IGF1: variants seen among roughly 807,000 people sequenced by gnomAD.
IGF1 encodes insulin like growth factor 1.
Under a neutral mutation model 13.8 loss-of-function variants are expected in IGF1, and 4 were observed. The ratio of observed to expected loss-of-function variants is 0.29; its 90% CI spans 0.14 to 0.66. IGF1 has a LOEUF of 0.66. IGF1 is among the 30% of genes least tolerant of loss of function. The pLI, the probability that IGF1 is intolerant of heterozygous loss-of-function variation, is 0.78. For synonymous variants in IGF1, 76 were observed against 72.6 expected, an observed-to-expected ratio of 1.05 and a Z score of -0.23; for missense variants, 124 against 188.5, an observed-to-expected ratio of 0.66 and a Z score of 2.00.
rs1218377843 is a variant in IGF1 at position 102,399,117 on chromosome 12, G to GTA, written c.*3389_*3390insTA. On this transcript the variant is annotated 3_prime_UTR_variant, in exon 4 of 4. Transcript: ENST00000337514. ...GGATCCTTAGGGTGAATGTGTGTGT[G>GTA]TGTGTGTGTGTGTGTGTGTGTGTGT... The GTA allele has an allele frequency of 2.3e-3, 348 of 151,846 alleles. 4 individuals are homozygous for GTA. The highest frequency in any genetic ancestry group is 8.1e-3 in the African/African-American group (333 of 41,174). 9.4% of individuals were successfully genotyped at this position (151,846 alleles called of 1,614,324 possible).
At chr12:102,469,601 C>T (rs1386119904) in intron 2 of IGF1, among the ~76,000 whole-genome samples, 1 of 152,196 alleles carries the variant, frequency 6.6e-6, no homozygotes, top group African/African-American at 2.4e-5. Context: ...ATAGATATCT[C>T]TCTCATGCCT....
intron 2 of IGF1, among the ~76,000 whole-genome samples, chr12:102,465,763 C>T (rs1880255893): frequency 6.6e-6 from 1 of 151,974 alleles, no homozygotes; most frequent in Non-Finnish European, 1.5e-5. Flanking sequence ...ATGGTGAAAC[C>T]CCGTCTCTAC....
chr12:102,442,270 A>G (rs1048052695), intron 2 of IGF1, among the ~76,000 whole-genome samples: 2 of 152,074 alleles, frequency 1.3e-5, no homozygotes, highest in Non-Finnish European at 2.9e-5. Context: ...TAACTTGAGT[A>G]GAATCTTCCT....
At chr12:102,478,793 A>G (rs1020433611) in intron 1 of IGF1, 1 of 464,466 alleles carries the variant, frequency 2.2e-6, no homozygotes, top group Non-Finnish European at 3.5e-6. Flanking sequence ...ATAGTGACCC[A>G]AGCTCCAGTC....
At chr12:102,412,497 A>G (rs11111266) in intron 3 of IGF1, among the ~76,000 whole-genome samples, 2,647 of 152,310 alleles carry the variant, frequency 0.017, 71 homozygotes, top group African/African-American at 0.061. Context: ...ATTGCTGCCA[A>G]GGACATTTAG....
chr12:102,453,789 T>C (rs1458202299), intron 2 of IGF1, among the ~76,000 whole-genome samples: 4 of 152,150 alleles, frequency 2.6e-5, no homozygotes. Flanking sequence ...CGTGCTTGAG[T>C]AGGCTGCCTG....
At chr12:102,461,978 A>G (rs901869159) in intron 2 of IGF1, among the ~76,000 whole-genome samples, 1 of 152,190 alleles carries the variant, frequency 6.6e-6, no homozygotes, top group African/African-American at 2.4e-5. Context: ...GGGGCTTCTC[A>G]AACCTTAACA....
intron 2 of IGF1, among the ~76,000 whole-genome samples, chr12:102,437,543 C>A (rs142384334): frequency 6.6e-6 from 1 of 152,282 alleles, no homozygotes; most frequent in Non-Finnish European, 1.5e-5. Flanking sequence ...ACTATATGAT[C>A]TCACTTGTAT....
At chr12:102,419,712 G>A (rs769214092) in intron 2 of IGF1, 22 bp from the exon 3 acceptor site, 3 of 1,608,952 alleles carry the variant, frequency 1.9e-6, no homozygotes, top group Non-Finnish European at 2.5e-6. Flanking sequence ...AAACAGAGTG[G>A]CCTCATGTTA....
At chr12:102,480,248 C>G in intron 1 of IGF1, 71 bp downstream of exon 1, 1 of 1,421,742 alleles carries the variant, frequency 7.0e-7, no homozygotes. Flanking sequence ...AAGAACAGTT[C>G]TAGGCAGAAG....
intron 2 of IGF1, among the ~76,000 whole-genome samples, chr12:102,427,427 G>A (rs1376626435): frequency 6.6e-6 from 1 of 152,134 alleles, no homozygotes; most frequent in Non-Finnish European, 1.5e-5. Context: ...TCAGCCAAAG[G>A]GATATTAAAA....
intron 2 of IGF1, among the ~76,000 whole-genome samples, chr12:102,458,962 T>C (rs191483220): frequency 6.6e-6 from 1 of 152,264 alleles, no homozygotes; most frequent in Admixed American, 6.5e-5. Context: ...ATCAAGTCAA[T>C]GTCTCAATGA....
At chr12:102,453,574 G>A (rs1366862550) in intron 2 of IGF1, among the ~76,000 whole-genome samples, 2 of 152,148 alleles carry the variant, frequency 1.3e-5, no homozygotes, top group East Asian at 3.8e-4. Context: ...GAAAATTACT[G>A]TATGTACAAA....
At chr12:102,412,729 T>C (rs1373062969) in intron 3 of IGF1, among the ~76,000 whole-genome samples, 3 of 152,236 alleles carry the variant, frequency 2.0e-5, no homozygotes, top group East Asian at 1.9e-4. Flanking sequence ...AGAACTTTCT[T>C]AGGGGCTCTC....
intron 2 of IGF1, among the ~76,000 whole-genome samples, chr12:102,439,460 A>G (rs968632700): frequency 6.6e-6 from 1 of 152,222 alleles, no homozygotes; most frequent in Non-Finnish European, 1.5e-5. Context: ...GATGTTTAAA[A>G]TAGACAAAAA....
chr12:102,408,278 G>A (rs745362892), intron 3 of IGF1, among the ~76,000 whole-genome samples: 2 of 152,184 alleles, frequency 1.3e-5, no homozygotes, highest in African/African-American at 4.8e-5. Flanking sequence ...CATGTGAAAT[G>A]GTGGAGGATG....
chr12:102,424,822 G>C (rs371125295), intron 2 of IGF1, among the ~76,000 whole-genome samples: 1 of 152,086 alleles, frequency 6.6e-6, no homozygotes, highest in African/African-American at 2.4e-5. Context: ...TACATTGAAT[G>C]GTTGATATTT....
chr12:102,396,655 G>A lies in IGF1; in HGVS notation c.*5852C>T, dbSNP rs1357139422. The A allele has an allele frequency of 5.5e-5, 21 of 380,676 alleles. No individual in the cohort carries two copies. The East Asian group carries it at 7.8e-4, about 14-fold the overall frequency. 23.6% of individuals were successfully genotyped at this position (380,676 alleles called of 1,614,324 possible). A position where few individuals can be genotyped will look rare whatever the true frequency, so the allele number is the denominator to read the frequency against. On this transcript the variant is annotated 3_prime_UTR_variant, in exon 4 of 4. Transcript: ENST00000337514. ...TTAGGCCTCAGTAATATAAAAAAAG[G>A]CAGATTCTAAGGATTGTGGAAGGTC...
At chr12:102,473,242 G>A (rs759043623) in intron 2 of IGF1, among the ~76,000 whole-genome samples, 14 of 152,130 alleles carry the variant, frequency 9.2e-5, no homozygotes, top group Non-Finnish European at 1.3e-4. Flanking sequence ...ATTCTCCATG[G>A]TTATTTTTCT....
Sources: gnomAD v4.1 joint callset for allele counts (sites outside exome capture counted in the v4.1 genomes callset) on GRCh38, gnomAD v4.1.1 for gene constraint, MANE v1.5 for transcripts, NCBI Gene and HGNC (gene_info 2026-07-23, HGNC 2026-07-21) for gene names.